The following MED13L variants were observed in gnomAD, a reference collection of about 807,000 sequenced individuals.
MED13L encodes the protein mediator complex subunit 13L, also known as mediator of RNA polymerase II transcription subunit 13-like.
MED13L carries 7 observed loss-of-function variants against 220.9 expected under a neutral mutation model. That is an observed-to-expected ratio of 0.03 (90% confidence interval 0.02 to 0.06). The LOEUF (loss-of-function observed/expected upper bound fraction) is 0.06, where lower values mean the gene tolerates loss of function less well. Among genes scored for constraint, MED13L ranks in the 10% least tolerant of loss-of-function variants. MED13L has a pLI of 1.00. For missense variants in MED13L, 1,965 were observed against 2,760.5 expected (o/e 0.71, Z 6.46); for synonymous variants, 1,011 against 1,015.2 (o/e 1.00, Z 0.08).
rs770735176 is a variant in MED13L, at chr12:116,012,769, T to C, written c.1280+28A>G. The C allele has an allele frequency of 1.0e-5, 15 of 1,479,352 alleles. No individual in the cohort carries two copies. In the South Asian group the frequency reaches 1.7e-4, roughly 17 times the overall value. 91.6% of individuals were successfully genotyped at this position (1,479,352 alleles called of 1,614,324 possible). A position where few individuals can be genotyped will look rare whatever the true frequency, so the allele number is the denominator to read the frequency against. On this transcript the variant is annotated intron_variant, in intron 9 of 30. Transcript: ENST00000281928. Reference sequence around the variant, plus strand: ...ACAAGATGCGCCATCATTCGATCCATTACTATTTTGCCTTTTTTATTACCT... The same window carrying C: ...ACAAGATGCGCCATCATTCGATCCACTACTATTTTGCCTTTTTTATTACCT...
rs563363504 is a variant in MED13L at position 116,104,180 on chromosome 12, T to C, written c.395+7248A>G. Among the ~76,000 whole-genome samples the C allele has an allele frequency of 3.3e-5, 5 of 151,980 alleles. No individual in the cohort carries two copies. The South Asian group carries it at 8.3e-4, about 25-fold the overall frequency. On this transcript the variant is annotated intron_variant, in intron 3 of 30. Transcript: ENST00000281928. ...CATGTGCAACCACACCTGTCTAATT[T>C]TGCATTTTTAGTAGAGTCAGAGTTT...
intron 29 of MED13L, 116 bp downstream of exon 29, chr12:115,965,966 G>C (rs1256452104): frequency 3.8e-6 from 5 of 1,309,554 alleles, no homozygotes; most frequent in Non-Finnish European, 5.4e-6. Flanking sequence ...GTAGATACAA[G>C]AGAAAAAAGG....
chr12:116,267,549 C>T (rs1303319819), intron 1 of MED13L, among the ~76,000 whole-genome samples: 1 of 152,166 alleles, frequency 6.6e-6, no homozygotes, highest in Non-Finnish European at 1.5e-5. Context: ...TGATTTTTCA[C>T]GCCTCCTGCC....
chr12:116,206,758 T>C (rs867498226), intron 2 of MED13L, among the ~76,000 whole-genome samples: 9 of 152,190 alleles, frequency 5.9e-5, no homozygotes, highest in African/African-American at 7.2e-5. Flanking sequence ...AACGCTAAAA[T>C]AATCTGCATT....
intron 1 of MED13L, among the ~76,000 whole-genome samples, chr12:116,246,791 G>A (rs1351151402): frequency 6.3e-5 from 6 of 94,568 alleles, no homozygotes; most frequent in Non-Finnish European, 4.4e-5. Flanking sequence ...AGGGACAGGA[G>A]GGGAGGGGAG....
chr12:116,177,746 C>G (rs1880175199), intron 2 of MED13L, among the ~76,000 whole-genome samples: 1 of 152,142 alleles, frequency 6.6e-6, no homozygotes, highest in Non-Finnish European at 1.5e-5. Flanking sequence ...AAAGGTAACA[C>G]ATTAAAAGAG....
At chr12:116,020,080 T>C (rs931708053) in intron 5 of MED13L, 108 bp from the exon 6 acceptor site, 8 of 966,306 alleles carry the variant, frequency 8.3e-6, no homozygotes, top group South Asian at 6.0e-5. Flanking sequence ...TTAATGTGCA[T>C]TGTTCTTTAT....
chr12:116,077,875 G>A (rs960079632), intron 4 of MED13L, among the ~76,000 whole-genome samples: 6 of 152,080 alleles, frequency 3.9e-5, no homozygotes, highest in Non-Finnish European at 5.9e-5. Flanking sequence ...ATAATTGGCC[G>A]GGCACTGTGG....
intron 4 of MED13L, among the ~76,000 whole-genome samples, chr12:116,086,091 T>C (rs200938285): frequency 2.0e-5 from 3 of 152,202 alleles, no homozygotes; most frequent in African/African-American, 4.8e-5. Context: ...TGTTCTTCTA[T>C]TGGAGAGTGC....
chr12:116,277,005 CG>C (rs1175495690), intron 1 of MED13L, 54 bp downstream of exon 1: 5 of 1,495,038 alleles, frequency 3.3e-6, no homozygotes, highest in African/African-American at 1.4e-5. Flanking sequence ...CGGCGGAGGT[CG>C]GGGACCCCCC....
chr12:116,141,633 C>G (rs12304663), intron 2 of MED13L, among the ~76,000 whole-genome samples: 7,026 of 152,138 alleles, frequency 0.046, 210 homozygotes, highest in African/African-American at 0.072. Flanking sequence ...AGAACGTGAG[C>G]ACTTCTCACC....
intron 1 of MED13L, among the ~76,000 whole-genome samples, chr12:116,272,523 G>A (rs1565961425): frequency 6.6e-6 from 1 of 151,354 alleles, no homozygotes. Flanking sequence ...GACTTCACCA[G>A]CCTGGGTGAC....
chr12:116,171,079 G>A (rs1374628453), intron 2 of MED13L, among the ~76,000 whole-genome samples: 1 of 152,220 alleles, frequency 6.6e-6, no homozygotes, highest in South Asian at 2.1e-4. Context: ...AGTTGAAAAA[G>A]GCAAATAATG....
At chr12:116,093,780 A>G (rs1872441615) in intron 4 of MED13L, among the ~76,000 whole-genome samples, 1 of 152,138 alleles carries the variant, frequency 6.6e-6, no homozygotes, top group Admixed American at 6.5e-5. Flanking sequence ...TTGTACATTT[A>G]ATTTGTTTAG....
At chr12:116,084,613 G>T (rs2603809) in intron 4 of MED13L, among the ~76,000 whole-genome samples, 40,349 of 151,814 alleles carry the variant, frequency 0.27, 6,978 homozygotes, top group Non-Finnish European at 0.39. Flanking sequence ...CTGATATAAA[G>T]CTTAAATTCT....
At chr12:116,056,638 A>G (rs1868997597) in intron 4 of MED13L, among the ~76,000 whole-genome samples, 1 of 152,208 alleles carries the variant, frequency 6.6e-6, no homozygotes, top group Non-Finnish European at 1.5e-5. Flanking sequence ...GCTGGTGATA[A>G]ACTCACCATC....
intron 4 of MED13L, among the ~76,000 whole-genome samples, chr12:116,054,722 G>T (rs998867799): frequency 2.0e-5 from 3 of 152,198 alleles, no homozygotes; most frequent in African/African-American, 7.2e-5. Flanking sequence ...AGTGCGGACA[G>T]GACACACAAC....
intron 17 of MED13L, among the ~76,000 whole-genome samples, chr12:115,989,295 T>C (rs1050319211): frequency 3.9e-5 from 6 of 152,166 alleles, no homozygotes; most frequent in East Asian, 1.9e-4. Context: ...TTAATCCTTA[T>C]CTTAAAATCT....
At chr12:115,972,759 G>A (rs1168139291) in intron 25 of MED13L, among the ~76,000 whole-genome samples, 1 of 152,200 alleles carries the variant, frequency 6.6e-6, no homozygotes, top group East Asian at 1.9e-4. Flanking sequence ...GAGTGTGAGT[G>A]AAGTGCTCCA....
Sources: gnomAD v4.1 joint callset for allele counts (sites outside exome capture counted in the v4.1 genomes callset) on GRCh38, gnomAD v4.1.1 for gene constraint, MANE v1.5 for transcripts, NCBI Gene and HGNC (gene_info 2026-07-23, HGNC 2026-07-21) for gene names.